Variants in MKLN1 observed in about 807,000 individuals in gnomAD.
MKLN1 encodes muskelin 1, also known as muskelin.
In MKLN1, 18 loss-of-function variants were observed where a neutral mutation model predicts 99.0. That is an observed-to-expected ratio of 0.18 (90% CI 0.13 to 0.27). The LOEUF (loss-of-function observed/expected upper bound fraction) is 0.27, where lower values mean the gene tolerates loss of function less well. Ranked by LOEUF, MKLN1 falls within the 10% of genes least tolerant of loss-of-function variation. The pLI is 1.00. For synonymous variants in MKLN1, 288 were observed against 293.2 expected (o/e 0.98, Z 0.18); for missense variants, 621 against 875.9 (o/e 0.71, Z 3.67).
chr7:131,353,266 A>C (rs1799772390), intron 1 of MKLN1, among the ~76,000 whole-genome samples: 1 of 152,090 alleles, frequency 6.6e-6, no homozygotes, highest in Non-Finnish European at 1.5e-5. Context: ...CCTTGTGAGC[A>C]TTTGGTGTCA....
At chr7:131,231,465 A>G (rs1023060138) in intron 3 of MKLN1, among the ~76,000 whole-genome samples, 3 of 152,184 alleles carry the variant, frequency 2.0e-5, no homozygotes, top group African/African-American at 7.2e-5. Context: ...TGGAAGCAGC[A>G]GCATTTATTA....
Position 131,363,397 on chromosome 7 carries a change from T to C in MKLN1, c.99-12027T>C, listed in dbSNP as rs1457700022. On this transcript the variant is annotated intron_variant, in intron 1 of 17. Coordinates refer to ENST00000352689, the MANE Select transcript of MKLN1 (RefSeq NM_013255.5). Reference sequence around the variant, plus strand: ...TCTCTCCTGGAGGGTTCTCATTCTTTTTGCTTTGCTTAGGTCTATTTCTGT... The same window carrying C: ...TCTCTCCTGGAGGGTTCTCATTCTTCTTGCTTTGCTTAGGTCTATTTCTGT... Among the ~76,000 whole-genome samples the C allele has an allele frequency of 3.3e-5, 5 of 152,172 alleles. No homozygotes were observed. The East Asian group carries it at 7.7e-4, about 23-fold the overall frequency.
At chr7:131,338,828 T>C (rs1291248784) in intron 1 of MKLN1, among the ~76,000 whole-genome samples, 1 of 152,178 alleles carries the variant, frequency 6.6e-6, no homozygotes, top group Non-Finnish European at 1.5e-5. Context: ...ACAACATGGA[T>C]TTGAATTTGC....
intron 1 of MKLN1, among the ~76,000 whole-genome samples, chr7:131,131,051 C>CAAA (rs35397071): frequency 0.034 from 2,201 of 64,358 alleles, 96 homozygotes; most frequent in South Asian, 0.13. Flanking sequence ...GACCCTGTCT[C>CAAA]AAAAAAAAAA....
chr7:131,113,572 A>C (rs934611524), intron 1 of MKLN1, among the ~76,000 whole-genome samples: 1 of 151,670 alleles, frequency 6.6e-6, no homozygotes, highest in African/African-American at 2.4e-5. Flanking sequence ...CTGTAATCCC[A>C]GCAGTTTGGG....
At chr7:131,190,141 C>A (rs968611119) in intron 2 of MKLN1, among the ~76,000 whole-genome samples, 2 of 152,020 alleles carry the variant, frequency 1.3e-5, no homozygotes, top group East Asian at 3.9e-4. Context: ...TCTTAAAAAA[C>A]GAAAAACCTG....
At chr7:131,388,473 A>C (rs1310211956) in intron 3 of MKLN1, among the ~76,000 whole-genome samples, 1 of 152,210 alleles carries the variant, frequency 6.6e-6, no homozygotes, top group East Asian at 1.9e-4. Flanking sequence ...GTCAGAATTA[A>C]ATAACTAAAT....
In MKLN1 at chr7:131,270,975, A is replaced by G. The variant is rs528284316; in HGVS notation, c.-179+68001A>G. ...CACTATTTAATTCAATTATTTATTT[A>G]TTTATATTCATTCATTTGTTCAATA... On this transcript the variant is annotated intron_variant, in intron 3 of 7. Coordinates refer to the MKLN1 transcript ENST00000416992. Among the ~76,000 whole-genome samples the G allele has an allele frequency of 2.0e-5, 3 of 151,328 alleles. No individual in the cohort carries two copies. The East Asian group carries it at 5.8e-4, about 29-fold the overall frequency.
rs148206273 is a variant in MKLN1, at chr7:131,192,851, T to C, written c.-296-10006T>C. 1.6e-3 allele frequency among the ~76,000 whole-genome samples: 250 copies of C among 152,264 alleles called. 1 individual carries two copies. The highest frequency in any genetic ancestry group is 5.9e-3 in the African/African-American group (244 of 41,560). ...CACTGTGCCCGGCCTGCTGTGTATA[T>C]TTTTAAAGCAACATTTGTCCTATGT... On this transcript the variant is annotated intron_variant, in intron 2 of 7. Coordinates refer to the MKLN1 transcript ENST00000416992.
intron 2 of MKLN1, among the ~76,000 whole-genome samples, chr7:131,199,915 A>G (rs1796702929): frequency 6.6e-6 from 1 of 151,980 alleles, no homozygotes; most frequent in Admixed American, 6.6e-5. Flanking sequence ...CCAGGCTGGT[A>G]TGGAACTCCT....
chr7:131,226,973 T>A (rs1797156910), intron 3 of MKLN1, among the ~76,000 whole-genome samples: 1 of 152,254 alleles, frequency 6.6e-6, no homozygotes, highest in Admixed American at 6.5e-5. Flanking sequence ...GGTCAAGGAT[T>A]TGATTGGATC....
chr7:131,215,955 C>T (rs986000335), intron 3 of MKLN1, among the ~76,000 whole-genome samples: 4 of 152,124 alleles, frequency 2.6e-5, no homozygotes, highest in African/African-American at 4.8e-5. Flanking sequence ...GTTTACCACC[C>T]GCTCCCCTCA....
intron 1 of MKLN1, among the ~76,000 whole-genome samples, chr7:131,332,784 G>A (rs1799117439): frequency 6.6e-6 from 1 of 151,278 alleles, no homozygotes; most frequent in Admixed American, 6.6e-5. Context: ...TTTTTAAAGG[G>A]ACAGGGTCTT....
At chr7:131,167,737 T>A (rs1796147719) in intron 2 of MKLN1, among the ~76,000 whole-genome samples, 1 of 152,018 alleles carries the variant, frequency 6.6e-6, no homozygotes, top group Admixed American at 6.6e-5. Flanking sequence ...GTGATATTTA[T>A]GATATCAAGA....
chr7:131,195,820 G>A (rs560551392), intron 2 of MKLN1, among the ~76,000 whole-genome samples: 7 of 150,392 alleles, frequency 4.7e-5, no homozygotes, highest in East Asian at 2.0e-4. Context: ...GCATGGCAGC[G>A]CGTGCCTGTA....
chr7:131,446,374 C>T (rs905642852), intron 12 of MKLN1, among the ~76,000 whole-genome samples: 8 of 152,146 alleles, frequency 5.3e-5, no homozygotes, highest in Non-Finnish European at 1.2e-4. Flanking sequence ...TTAGATTATG[C>T]ATATTGCCCT....
intron 2 of MKLN1, chr7:131,142,984 A>G: frequency 7.9e-7 from 1 of 1,258,182 alleles, no homozygotes; most frequent in South Asian, 1.2e-5. Flanking sequence ...TAGTTGTCAA[A>G]AAAGTACTGT....
intron 2 of MKLN1, among the ~76,000 whole-genome samples, chr7:131,377,305 G>C (rs1172163732): frequency 6.6e-6 from 1 of 152,134 alleles, no homozygotes; most frequent in Non-Finnish European, 1.5e-5. Flanking sequence ...GGTTGTTTAT[G>C]GAAGTTGCTG....
At chr7:131,363,343 C>T (rs1476335107) in intron 1 of MKLN1, among the ~76,000 whole-genome samples, 1 of 151,928 alleles carries the variant, frequency 6.6e-6, no homozygotes, top group Non-Finnish European at 1.5e-5. Context: ...GTCACTTGGA[C>T]CTCCTGCCCA....
Sources: gnomAD v4.1 joint callset for allele counts (sites outside exome capture counted in the v4.1 genomes callset) on GRCh38, gnomAD v4.1.1 for gene constraint, MANE v1.5 for transcripts, NCBI Gene and HGNC (gene_info 2026-07-23, HGNC 2026-07-21) for gene names.